The following IBTK variants were observed in gnomAD, a reference collection of about 807,000 sequenced individuals.
IBTK encodes the protein BTK-binding protein.
IBTK carries 83 observed loss-of-function variants against 154.9 expected under a neutral mutation model. That is an observed-to-expected ratio of 0.54 (90% CI 0.45 to 0.64). The LOEUF is 0.64. Ranked by LOEUF, IBTK falls within the 30% of genes least tolerant of loss-of-function variation. IBTK has a pLI of 0.00. For missense variants in IBTK, 1,332 were observed against 1,584.6 expected, an observed-to-expected ratio of 0.84 and a Z score of 2.71; for synonymous variants, 515 against 536.1, an observed-to-expected ratio of 0.96 and a Z score of 0.54.
intron 25 of IBTK, among the ~76,000 whole-genome samples, chr6:82,183,902 T>A (rs1339515219): frequency 6.6e-6 from 1 of 152,240 alleles, no homozygotes; most frequent in Non-Finnish European, 1.5e-5. Context: ...TCTCTCACCC[T>A]GCTGGCATAT....
At chr6:82,194,686 A>T in intron 22 of IBTK, 44 bp from the exon 23 acceptor site, 3 of 1,329,354 alleles carry the variant, frequency 2.3e-6, no homozygotes, top group Non-Finnish European at 3.0e-6. Flanking sequence ...GGCACCTAGA[A>T]CAGTAACTAA....
chr6:82,230,941 T>C (rs1770479319), intron 4 of IBTK, among the ~76,000 whole-genome samples: 1 of 152,180 alleles, frequency 6.6e-6, no homozygotes, highest in East Asian at 1.9e-4. Flanking sequence ...ACAAAAAGCA[T>C]CACTCGTGCC....
chr6:82,204,782 T>A, intron 17 of IBTK, 75 bp downstream of exon 17: 4 of 872,714 alleles, frequency 4.6e-6, no homozygotes, highest in Non-Finnish European at 6.8e-6. Flanking sequence ...ATAAGTGGAA[T>A]CATAAAGTCA....
intron 3 of IBTK, among the ~76,000 whole-genome samples, chr6:82,233,155 C>CAAAAAAAAAAAAAAAAA (rs35870814): frequency 1.1e-5 from 1 of 93,388 alleles, no homozygotes; most frequent in Admixed American, 1.1e-4. Flanking sequence ...GAAACTGTCT[C>CAAAAAAAAAAAAAAAAA]AAAAAAAAAA....
At chr6:82,197,600 T>C (rs1240564004) in intron 21 of IBTK, among the ~76,000 whole-genome samples, 1 of 152,164 alleles carries the variant, frequency 6.6e-6, no homozygotes, top group African/African-American at 2.4e-5. Flanking sequence ...CTGGAGCTCC[T>C]GATTTTGTGG....
chr6:82,173,000 C>CTT (rs59205005), intron 27 of IBTK: 78 of 149,016 alleles, frequency 5.2e-4, no homozygotes, highest in East Asian at 1.2e-3. Flanking sequence ...CTCTTATTCT[C>CTT]TTTTTTTTTT....
intron 8 of IBTK, among the ~76,000 whole-genome samples, chr6:82,222,309 T>C (rs927915127): frequency 6.6e-6 from 1 of 152,152 alleles, no homozygotes; most frequent in Non-Finnish European, 1.5e-5. Context: ...TAAATTTAAA[T>C]CCCCAATTGT....
At chr6:82,201,526 T>G (rs745747307) in intron 18 of IBTK, 44 bp from the exon 19 acceptor site, 2 of 1,348,334 alleles carry the variant, frequency 1.5e-6, no homozygotes, top group Non-Finnish European at 2.1e-6. Flanking sequence ...TTCAAGTGAC[T>G]TGATAACTGT....
At chr6:82,173,844 A>G (rs1768020196) in intron 26 of IBTK, among the ~76,000 whole-genome samples, 1 of 152,100 alleles carries the variant, frequency 6.6e-6, no homozygotes, top group African/African-American at 2.4e-5. Context: ...AGGAAACAAC[A>G]TACAAAATGA....
At chr6:82,231,293 A>G (rs759646201) in intron 4 of IBTK, among the ~76,000 whole-genome samples, 15 of 148,608 alleles carry the variant, frequency 1.0e-4, no homozygotes, top group Non-Finnish European at 2.1e-4. Context: ...AATTGAAATT[A>G]TTTTATTTTT....
intron 13 of IBTK, among the ~76,000 whole-genome samples, chr6:82,212,040 G>A (rs746806694): frequency 1.3e-5 from 2 of 151,926 alleles, no homozygotes; most frequent in Non-Finnish European, 2.9e-5. Flanking sequence ...TGCCACCCAG[G>A]CTGGAGTGCA....
intron 1 of IBTK, among the ~76,000 whole-genome samples, 193 bp downstream of exon 1, chr6:82,247,369 G>A (rs1283745682): frequency 6.6e-6 from 1 of 152,236 alleles, no homozygotes; most frequent in Admixed American, 6.5e-5. Flanking sequence ...TAGGGACCCT[G>A]GCCACTCGGC....
intron 21 of IBTK, among the ~76,000 whole-genome samples, chr6:82,199,773 C>A (rs1031188212): frequency 6.6e-6 from 1 of 152,050 alleles, no homozygotes; most frequent in African/African-American, 2.4e-5. Context: ...AAAATCTGAC[C>A]CTATCCAACC....
intron 21 of IBTK, among the ~76,000 whole-genome samples, chr6:82,198,978 TGATAG>T (rs1769098861): frequency 6.6e-6 from 1 of 152,006 alleles, no homozygotes; most frequent in Non-Finnish European, 1.5e-5. Flanking sequence ...ATATGAACCT[TGATAG>T]AATACTAGTT....
Position 82,247,644 on chromosome 6 carries a change from A to T in IBTK, c.-440T>A. On this transcript the variant is annotated 5_prime_UTR_variant, in exon 1 of 29. Coordinates refer to ENST00000306270, the MANE Select transcript of IBTK (RefSeq NM_015525.4). ...GGGACTCATCCTCAGTGAAGGCAAT[A>T]AGAGAAACCGAACGGCGCCAGAGGG... 2.5e-6 allele frequency: 1 copy of T among 398,802 alleles called. No homozygotes were observed. The highest frequency in any genetic ancestry group is 4.4e-6 in the Non-Finnish European group (1 of 226,206). The allele number at this position is 398,802 out of a possible 1,614,324, so 24.7% of individuals were successfully genotyped here.
At chr6:82,213,208 T>C (rs1456089749) in intron 12 of IBTK, among the ~76,000 whole-genome samples, 1 of 152,102 alleles carries the variant, frequency 6.6e-6, no homozygotes, top group East Asian at 1.9e-4. Flanking sequence ...TTGTAATTTT[T>C]TGTAGAGACA....
At chr6:82,179,589 G>A (rs1288002888) in intron 26 of IBTK, among the ~76,000 whole-genome samples, 1 of 152,204 alleles carries the variant, frequency 6.6e-6, no homozygotes, top group Non-Finnish European at 1.5e-5. Context: ...AGTATGATGA[G>A]TCACATAAAA....
intron 4 of IBTK, among the ~76,000 whole-genome samples, chr6:82,231,270 G>A (rs1329347815): frequency 3.3e-5 from 5 of 151,804 alleles, no homozygotes; most frequent in East Asian, 1.9e-4. Flanking sequence ...TGCAAGAAGT[G>A]TGTTGTTTTC....
intron 26 of IBTK, among the ~76,000 whole-genome samples, chr6:82,173,831 T>A (rs1168377542): frequency 6.6e-6 from 1 of 152,034 alleles, no homozygotes; most frequent in Non-Finnish European, 1.5e-5. Flanking sequence ...CACAAGCTAG[T>A]TGAGGAAACA....
Sources: gnomAD v4.1 joint callset for allele counts (sites outside exome capture counted in the v4.1 genomes callset) on GRCh38, gnomAD v4.1.1 for gene constraint, MANE v1.5 for transcripts, NCBI Gene and HGNC (gene_info 2026-07-23, HGNC 2026-07-21) for gene names.